The following CCDC6 variants were observed in gnomAD, a reference collection of about 807,000 sequenced individuals.
CCDC6 encodes the protein coiled-coil domain containing 6.
In CCDC6, 20 loss-of-function variants were observed where a neutral mutation model predicts 56.6. The observed-to-expected ratio is 0.35, with a 90% confidence interval of 0.25 to 0.51. CCDC6 has a LOEUF of 0.51. CCDC6 is among the 20% of genes least tolerant of loss of function. The pLI is 0.95. For synonymous variants in CCDC6, 241 were observed against 234.4 expected, an observed-to-expected ratio of 1.03 and a Z score of -0.26; for missense variants, 367 against 601.1, an observed-to-expected ratio of 0.61 and a Z score of 4.07.
intron 3 of CCDC6, 142 bp from the exon 4 acceptor site, chr10:59,814,897 G>A: frequency 3.3e-6 from 2 of 611,926 alleles, no homozygotes; most frequent in Non-Finnish European, 5.9e-6. Context: ...CATATTAAGT[G>A]CATCTAGTTC....
Position 59,845,618 on chromosome 10 carries a change from T to C in CCDC6, c.453+6935A>G, listed in dbSNP as rs563326118. On this transcript the variant is annotated intron_variant, in intron 2 of 8. Coordinates refer to ENST00000263102, the MANE Select transcript of CCDC6 (RefSeq NM_005436.5). The stretch of plus-strand genomic sequence containing the variant: ...ACAACTCAGTAGCTCTTTGTAGGCA[T>C]ACTGTGAATGCAATGTGTGAACCTC... Among the ~76,000 whole-genome samples, 279 of 152,324 alleles carry C rather than the reference T, an allele frequency of 1.8e-3. 1 individual carries two copies. The highest frequency in any genetic ancestry group is 3.1e-3 in the Non-Finnish European group (210 of 68,032).
intron 2 of CCDC6, among the ~76,000 whole-genome samples, chr10:59,840,230 C>CAT (rs1417435402): frequency 6.6e-5 from 10 of 152,272 alleles, no homozygotes; most frequent in South Asian, 4.1e-4. Context: ...ACCACTGGGT[C>CAT]ATAGAGAATA....
At chr10:59,835,344 T>A (rs558376218) in intron 2 of CCDC6, among the ~76,000 whole-genome samples, 1 of 152,298 alleles carries the variant, frequency 6.6e-6, no homozygotes, top group South Asian at 2.1e-4. Context: ...TGCAGGAAAA[T>A]ATCCATATTT....
intron 2 of CCDC6, among the ~76,000 whole-genome samples, chr10:59,847,342 C>A (rs1294866886): frequency 6.9e-6 from 1 of 145,454 alleles, no homozygotes; most frequent in Non-Finnish European, 1.5e-5. Context: ...CAGGAGCCAC[C>A]GCGCCAGGCC....
At chr10:59,903,907 C>T (rs540682169) in intron 1 of CCDC6, among the ~76,000 whole-genome samples, 2 of 152,276 alleles carry the variant, frequency 1.3e-5, no homozygotes, top group East Asian at 3.9e-4. Context: ...GTCAAACGTA[C>T]CACCACAGAA....
intron 3 of CCDC6, among the ~76,000 whole-genome samples, chr10:59,818,654 G>T (rs1224614008): frequency 6.6e-6 from 1 of 152,140 alleles, no homozygotes; most frequent in Non-Finnish European, 1.5e-5. Flanking sequence ...GAGTGAGTAA[G>T]AGTGTGTGTA....
At chr10:59,823,310 G>A (rs1309693365) in intron 3 of CCDC6, among the ~76,000 whole-genome samples, 4 of 152,292 alleles carry the variant, frequency 2.6e-5, no homozygotes, top group African/African-American at 9.6e-5. Flanking sequence ...AGAGCTAAAA[G>A]AGTACAGTAA....
chr10:59,814,367 A>T (rs1283003350), intron 4 of CCDC6, among the ~76,000 whole-genome samples: 2 of 152,214 alleles, frequency 1.3e-5, no homozygotes, highest in Non-Finnish European at 2.9e-5. Context: ...CATTCTTGAA[A>T]ATACTTTAAA....
At chr10:59,826,904 G>A (rs2070792669) in intron 3 of CCDC6, among the ~76,000 whole-genome samples, 1 of 152,172 alleles carries the variant, frequency 6.6e-6, no homozygotes. Context: ...ACAATTTTTG[G>A]AGAGCTAACA....
At chr10:59,869,406 A>AC (rs2071207024) in intron 1 of CCDC6, among the ~76,000 whole-genome samples, 5 of 96,164 alleles carry the variant, frequency 5.2e-5, no homozygotes, top group African/African-American at 1.7e-4. Flanking sequence ...AAAAAAAAAA[A>AC]AAAAAAAAAA....
intron 1 of CCDC6, among the ~76,000 whole-genome samples, chr10:59,858,082 C>T (rs1362637450): frequency 6.6e-6 from 1 of 152,164 alleles, no homozygotes; most frequent in Non-Finnish European, 1.5e-5. Context: ...TTTATCAACA[C>T]CAACCACTGT....
At chr10:59,838,810 C>T (rs1452001967) in intron 2 of CCDC6, among the ~76,000 whole-genome samples, 1 of 152,166 alleles carries the variant, frequency 6.6e-6, no homozygotes, top group Non-Finnish European at 1.5e-5. Flanking sequence ...CCCACTCATG[C>T]TGTGCCTCTG....
rs189749492 is a variant in CCDC6 at position 59,854,080 on chromosome 10, G to T, written c.304-1378C>A. Among the ~76,000 whole-genome samples the T allele has an allele frequency of 5.0e-4, 76 of 152,246 alleles. 1 individual carries two copies. Among genetic ancestry groups the T allele is most frequent in the Admixed American group, 1.9e-3 (29 of 15,292 alleles). On this transcript the variant is annotated intron_variant, in intron 1 of 8. Transcript: ENST00000263102. ...CAAATCAAGGGAGGAAGAGCCACAT[G>T]AATTCCAGGCCTCCAGAACCTGTTA...
At chr10:59,862,550 CACACACATATAT>C (rs1564751072) in intron 1 of CCDC6, among the ~76,000 whole-genome samples, 5 of 81,092 alleles carry the variant, frequency 6.2e-5, no homozygotes, top group South Asian at 3.8e-4. Context: ...CACACACACA[CACACACATATAT>C]ATACACATAC....
intron 3 of CCDC6, 60 bp from the exon 4 acceptor site, chr10:59,814,815 T>C: frequency 9.0e-7 from 1 of 1,116,774 alleles, no homozygotes; most frequent in East Asian, 2.4e-5. Flanking sequence ...GTTAATACAT[T>C]TTTTGATTGA....
chr10:59,845,346 G>GTT (rs151236986), intron 2 of CCDC6, among the ~76,000 whole-genome samples: 1,795 of 96,636 alleles, frequency 0.019, 8 homozygotes, highest in East Asian at 0.029. Context: ...GCCCCTATGG[G>GTT]TTTTTTTTTT....
intron 1 of CCDC6, among the ~76,000 whole-genome samples, chr10:59,871,038 G>A (rs1431050107): frequency 6.6e-6 from 1 of 152,168 alleles, no homozygotes; most frequent in Admixed American, 6.5e-5. Flanking sequence ...AAGCTCGCCT[G>A]AGATACAGTA....
intron 1 of CCDC6, among the ~76,000 whole-genome samples, chr10:59,864,812 G>A (rs2071163230): frequency 6.6e-6 from 1 of 152,034 alleles, no homozygotes; most frequent in Non-Finnish European, 1.5e-5. Context: ...AAACAGTATA[G>A]ACCTCCTCAG....
At position 59,797,683 on chromosome 10, in the gene CCDC6, T is replaced by TTGTGTGTGTGTGTGTGTGTGTGTGTG. The variant is rs72280811; in HGVS notation, c.1106-3112_1106-3087dup. 1.8e-3 allele frequency among the ~76,000 whole-genome samples: 256 copies of TTGTGTGTGTGTGTGTGTGTGTGTGTG among 140,612 alleles called. 2 individuals carry two copies. Among genetic ancestry groups the TTGTGTGTGTGTGTGTGTGTGTGTGTG allele is most frequent in the Middle Eastern group, 7.0e-3 (2 of 284 alleles). The allele number at this position is 140,612 out of a possible 152,430, so 92.2% of individuals were successfully genotyped here. A position where few individuals can be genotyped will look rare whatever the true frequency, so the allele number is the denominator to read the frequency against. The stretch of plus-strand genomic sequence containing the variant: ...GTGAGAGAGAGAGAGAGTGAGAGTG[T>TTGTGTGTGTGTGTGTGTGTGTGTGTG]TGTGTGTGTGTGTGTGTGTGTGTGT... On this transcript the variant is annotated intron_variant, in intron 7 of 8. Transcript: ENST00000263102.
Sources: gnomAD v4.1 joint callset for allele counts (sites outside exome capture counted in the v4.1 genomes callset) on GRCh38, gnomAD v4.1.1 for gene constraint, MANE v1.5 for transcripts, NCBI Gene and HGNC (gene_info 2026-07-23, HGNC 2026-07-21) for gene names.